Variants in CHODL observed in about 807,000 individuals in gnomAD.
The protein encoded by CHODL is transmembrane protein MT75.
CHODL carries 29 observed loss-of-function variants against 34.5 expected under a neutral mutation model. The observed-to-expected ratio is 0.84, with a 90% CI of 0.63 to 1.15. The LOEUF is 1.15. CHODL is among the 50% of genes most tolerant of loss of function. The pLI is 0.00. For missense variants in CHODL, 332 were observed against 332.5 expected (o/e 1.00, Z 0.01); for synonymous variants, 125 against 116.1 (o/e 1.08, Z -0.49).
At chr21:18,111,437 A>T (rs1417466144) in intron 2 of CHODL, among the ~76,000 whole-genome samples, 5 of 152,142 alleles carry the variant, frequency 3.3e-5, no homozygotes, top group Non-Finnish European at 5.9e-5. Flanking sequence ...CAGCATGGGG[A>T]TGGGACTCTA....
chr21:17,985,066 T>A (rs531225195), intron 1 of CHODL, among the ~76,000 whole-genome samples: 5 of 152,180 alleles, frequency 3.3e-5, no homozygotes, highest in Non-Finnish European at 7.4e-5. Context: ...TCATTTAATG[T>A]AGTTCCAAAG....
chr21:18,251,755 T>G (rs1167711198), intron 1 of CHODL, among the ~76,000 whole-genome samples: 1 of 143,464 alleles, frequency 7.0e-6, no homozygotes, highest in Non-Finnish European at 1.5e-5. Context: ...ATTTATTTAT[T>G]TTAATATATA....
intron 1 of CHODL, among the ~76,000 whole-genome samples, chr21:18,248,401 T>A (rs1170240234): frequency 1.3e-5 from 2 of 151,264 alleles, no homozygotes. Flanking sequence ...TGCAATTACT[T>A]TAAGTATCTC....
intron 1 of CHODL, among the ~76,000 whole-genome samples, chr21:17,961,051 C>G (rs927198751): frequency 1.3e-5 from 2 of 152,080 alleles, no homozygotes; most frequent in Non-Finnish European, 2.9e-5. Context: ...CAAAGACGTG[C>G]CTTTGTCATC....
intron 2 of CHODL, among the ~76,000 whole-genome samples, chr21:18,030,049 T>TGATC (rs1303197072): frequency 6.6e-6 from 1 of 152,110 alleles, no homozygotes; most frequent in Non-Finnish European, 1.5e-5. Context: ...TAGCCCCCAG[T>TGATC]GATCCCTCCC....
chr21:18,053,944 TATCACATATAAA>T (rs1461727092), intron 2 of CHODL, among the ~76,000 whole-genome samples: 2 of 151,830 alleles, frequency 1.3e-5, no homozygotes, highest in Admixed American at 1.3e-4. Context: ...AATTTATATA[TATCACATATAAA>T]ATCACATATA....
In CHODL at chr21:18,105,771, C is replaced by T. The variant is rs142604897; in HGVS notation, c.-45+77800C>T. 3.0e-4 allele frequency among the ~76,000 whole-genome samples: 46 copies of T among 152,274 alleles called. No homozygotes were observed. The East Asian group carries it at 5.0e-3, about 17-fold the overall frequency. On this transcript the variant is annotated intron_variant, in intron 2 of 6. Transcript: ENST00000400127. ...TGCTTTCTGAAGATGGGGATGTTGA[C>T]GTGGATTAATAATATGTAACCTGCT...
At chr21:18,107,463 A>G (rs750761880) in intron 2 of CHODL, among the ~76,000 whole-genome samples, 1 of 152,256 alleles carries the variant, frequency 6.6e-6, no homozygotes, top group Non-Finnish European at 1.5e-5. Context: ...AGTGGCAACT[A>G]TACCAGGCCA....
At chr21:17,974,125 T>G (rs574179625) in intron 1 of CHODL, among the ~76,000 whole-genome samples, 2 of 152,204 alleles carry the variant, frequency 1.3e-5, no homozygotes, top group Admixed American at 6.5e-5. Context: ...GAATCCAACA[T>G]GAAGTCTTTG....
chr21:18,107,027 C>T (rs2065281899), intron 2 of CHODL, among the ~76,000 whole-genome samples: 1 of 152,192 alleles, frequency 6.6e-6, no homozygotes, highest in African/African-American at 2.4e-5. Context: ...ATAAGAAGGA[C>T]TAAGTGGAGA....
chr21:17,985,702 G>A (rs189892810), intron 1 of CHODL, among the ~76,000 whole-genome samples: 2 of 152,230 alleles, frequency 1.3e-5, no homozygotes, highest in East Asian at 1.9e-4. Flanking sequence ...CCACCATTAC[G>A]GGTCAATTTT....
chr21:18,187,927 T>C (rs2073462918), intron 2 of CHODL, among the ~76,000 whole-genome samples: 1 of 152,186 alleles, frequency 6.6e-6, no homozygotes, highest in Admixed American at 6.5e-5. Context: ...GCAAAACTTC[T>C]TGAAAGGGTT....
chr21:17,936,856 A>G (rs1445692587), intron 1 of CHODL, among the ~76,000 whole-genome samples: 1 of 152,120 alleles, frequency 6.6e-6, no homozygotes, highest in Non-Finnish European at 1.5e-5. Context: ...CGGGCAGATC[A>G]TGAGGTCAGG....
At chr21:18,029,747 G>A (rs943971107) in intron 2 of CHODL, among the ~76,000 whole-genome samples, 2 of 152,106 alleles carry the variant, frequency 1.3e-5, no homozygotes, top group African/African-American at 4.8e-5. Context: ...GCTCAGGTAA[G>A]TGAGCCTCAA....
intron 1 of CHODL, among the ~76,000 whole-genome samples, chr21:17,948,116 CA>C (rs914931698): frequency 3.5e-4 from 54 of 152,154 alleles, no homozygotes; most frequent in African/African-American, 1.3e-3. Context: ...CACAGACATA[CA>C]GAGTGGAATA....
chr21:17,951,407 A>G (rs1221403010), intron 1 of CHODL, among the ~76,000 whole-genome samples: 1 of 152,206 alleles, frequency 6.6e-6, no homozygotes. Context: ...ACAGAGCGTC[A>G]TCAAACTTCA....
At chr21:17,974,569 C>T (rs2063645999) in intron 1 of CHODL, among the ~76,000 whole-genome samples, 1 of 152,100 alleles carries the variant, frequency 6.6e-6, no homozygotes. Flanking sequence ...CATGCCCTGC[C>T]AGAATTTTTA....
chr21:18,107,570 G>A (rs2205308), intron 2 of CHODL, among the ~76,000 whole-genome samples: 1 of 152,220 alleles, frequency 6.6e-6, no homozygotes, highest in Non-Finnish European at 1.5e-5. Context: ...CTTTAGCCTT[G>A]TGAAGAGTTT....
intron 1 of CHODL, among the ~76,000 whole-genome samples, chr21:18,254,073 G>A (rs2146806920): frequency 6.6e-6 from 1 of 151,776 alleles, no homozygotes; most frequent in South Asian, 2.1e-4. Context: ...CTCCAGAAAG[G>A]AATGGATATG....
Sources: allele counts gnomAD v4.1 joint callset (sites outside exome capture counted in the v4.1 genomes callset), GRCh38; gene constraint gnomAD v4.1.1; transcripts MANE v1.5; gene names NCBI Gene and HGNC (gene_info 2026-07-23, HGNC 2026-07-21).